Variants in HELB observed in about 807,000 individuals in gnomAD.
HELB encodes the protein DNA helicase B.
In HELB, 96 loss-of-function variants were observed where a neutral mutation model predicts 101.7. The ratio of observed to expected loss-of-function variants is 0.94; its 90% confidence interval spans 0.80 to 1.12. The LOEUF (loss-of-function observed/expected upper bound fraction) is 1.12, where lower values mean the gene tolerates loss of function less well. Among genes scored for constraint, HELB ranks in the 50% most tolerant of loss-of-function variants. HELB has a pLI of 0.00. For synonymous variants in HELB, 437 were observed against 459.7 expected (o/e 0.95, Z 0.63); for missense variants, 1,210 against 1,291.9 (o/e 0.94, Z 0.97).
intron 7 of HELB, among the ~76,000 whole-genome samples, chr12:66,320,227 G>A (rs565299795): frequency 2.3e-4 from 35 of 152,106 alleles, no homozygotes; most frequent in Non-Finnish European, 4.1e-4. Context: ...ATACAGGAAT[G>A]TTTGAAGTAA....
intron 4 of HELB, 103 bp from the exon 5 acceptor site, chr12:66,313,883 A>G (rs1231887998): frequency 8.5e-6 from 8 of 944,584 alleles, no homozygotes; most frequent in South Asian, 1.3e-5. Context: ...CTTCCCACCC[A>G]CCCCTGCCAA....
chr12:66,330,175 G>T (rs953891983), intron 11 of HELB, among the ~76,000 whole-genome samples: 3 of 152,138 alleles, frequency 2.0e-5, no homozygotes, highest in Non-Finnish European at 2.9e-5. Context: ...CACTGGATCC[G>T]CTGACTCAGA....
intron 8 of HELB, 53 bp downstream of exon 8, chr12:66,322,082 A>C: frequency 1.4e-6 from 1 of 694,562 alleles, no homozygotes; most frequent in Non-Finnish European, 2.5e-6. Flanking sequence ...AAATCTCATA[A>C]CTTATTAATA....
At chr12:66,326,397 C>T (rs1179383292) in intron 11 of HELB, among the ~76,000 whole-genome samples, 1 of 152,028 alleles carries the variant, frequency 6.6e-6, no homozygotes, top group Non-Finnish European at 1.5e-5. Context: ...CACATGCCAC[C>T]ACGCCTGGCT....
chr12:66,308,462 T>C (rs997134366), intron 3 of HELB, among the ~76,000 whole-genome samples: 8 of 152,232 alleles, frequency 5.3e-5, no homozygotes, highest in African/African-American at 1.9e-4. Flanking sequence ...GGTCTCACCA[T>C]TCAGCATGTA....
chr12:66,306,835 A>C (rs866624347), intron 3 of HELB, among the ~76,000 whole-genome samples: 2 of 152,188 alleles, frequency 1.3e-5, no homozygotes, highest in Non-Finnish European at 2.9e-5. Context: ...CTAAATTGTC[A>C]TTTGCAGCTT....
At chr12:66,322,834 G>A in intron 9 of HELB, 51 bp downstream of exon 9, 1 of 1,286,026 alleles carries the variant, frequency 7.8e-7, no homozygotes, top group Non-Finnish European at 1.1e-6. Flanking sequence ...TCTTCGATTT[G>A]CTGGTTTTTT....
chr12:66,307,486 T>C (rs1243379099), intron 3 of HELB, among the ~76,000 whole-genome samples: 1 of 152,198 alleles, frequency 6.6e-6, no homozygotes, highest in African/African-American at 2.4e-5. Context: ...AAGAATAAAT[T>C]ATATAACATT....
rs1246745439 is a variant in HELB, at chr12:66,315,332, T to C, written c.1949T>C (p.Leu650Pro). ...TLKSRNCAIE[L>P]KTNHRAESQL... ...AAGTCAAGAAATTGTGCTATTGAGCTAAAGACAAACCATAGAGCAGAATCT... is the reference window on the plus strand; with the variant it reads ...AAGTCAAGAAATTGTGCTATTGAGCCAAAGACAAACCATAGAGCAGAATCT... The change falls in exon 6 of 13, where the codon CTA (leucine) becomes CCA (proline). Residue 650 changes from leucine to proline, a missense_variant. Leu to Pro is a moderately conservative substitution (Grantham distance 98, BLOSUM62 -3). Around this residue, in one of 2 missense-constraint regions of HELB, gnomAD observed 740 missense variants for 728.8 expected, o/e 1.02. Transcript: ENST00000247815. The C allele has an allele frequency of 1.2e-6, 2 of 1,609,978 alleles. No homozygotes were observed. Among genetic ancestry groups the C allele is most frequent in the Non-Finnish European group, 1.7e-6 (2 of 1,178,108 alleles).
chr12:66,314,972 A>G (rs572614923), intron 5 of HELB, among the ~76,000 whole-genome samples: 27 of 151,196 alleles, frequency 1.8e-4, no homozygotes, highest in African/African-American at 5.1e-4. Context: ...AAAAGGGACT[A>G]ACTACAAATG....
chr12:66,330,673 A>G (rs1181463247), intron 11 of HELB, among the ~76,000 whole-genome samples: 1 of 148,150 alleles, frequency 6.7e-6, no homozygotes, highest in Non-Finnish European at 1.5e-5. Context: ...ATAAGTATAT[A>G]ATATATATTC....
intron 5 of HELB, among the ~76,000 whole-genome samples, chr12:66,314,441 C>T (rs893946209): frequency 2.0e-5 from 3 of 152,216 alleles, no homozygotes; most frequent in South Asian, 4.1e-4. Context: ...AAAAGTGCCA[C>T]AGATTCAGAG....
rs994697005 is a variant in HELB, at chr12:66,321,992, C to A, written c.2200C>A (p.Gln734Lys). Residue 734 changes from glutamine (Q) to lysine (K), a missense_variant, in exon 8 of 13, where the codon CAA (glutamine) becomes AAA (lysine). Coordinates refer to ENST00000247815, the MANE Select transcript of HELB (RefSeq NM_001370285.1). ...AACTTTACTACAAGAAAATAACTTA[C>A]AAAATGCAAAAACATCACAATTTAT... Reference protein sequence around the residue: ...VKTLLQENNLQNAKTSQFIAF... With the variant: ...VKTLLQENNLKNAKTSQFIAF... The A allele has an allele frequency of 4.2e-6, 5 of 1,178,640 alleles. No individual in the cohort carries two copies. The highest frequency in any genetic ancestry group is 2.6e-5 in the East Asian group (1 of 38,406). The allele number at this position is 1,178,640 out of a possible 1,614,324, so 73.0% of individuals were successfully genotyped here.
chr12:66,327,220 A>G (rs1318103433), intron 11 of HELB, among the ~76,000 whole-genome samples: 1 of 151,716 alleles, frequency 6.6e-6, no homozygotes, highest in Non-Finnish European at 1.5e-5. Flanking sequence ...CCTTAAGACC[A>G]AAGTTCCCCA....
chr12:66,331,713 G>T, intron 12 of HELB, 68 bp downstream of exon 12: 6 of 1,398,116 alleles, frequency 4.3e-6, no homozygotes, highest in Non-Finnish European at 5.8e-6. Context: ...GCTTATAAAT[G>T]ACTGTGTGCT....
chr12:66,310,247 TAAGTG>T lies in HELB; in HGVS notation c.1324_1328del (p.Glu442SerfsTer8). On this transcript the variant is annotated frameshift_variant, in exon 4 of 13. Transcript: ENST00000247815. LOFTEE classifies it high-confidence loss of function. ...GGTGAAAATGAAATTAATGCAGAAA[TAAGTG>T]AAGTTCAGCTGGATCAGGATCAGGT... The T allele has an allele frequency of 2.5e-6, 4 of 1,614,038 alleles. No individual in the cohort carries two copies. Among genetic ancestry groups the T allele is most frequent in the Non-Finnish European group, 3.4e-6 (4 of 1,180,016 alleles).
At chr12:66,316,218 C>T (rs1160053851) in intron 6 of HELB, among the ~76,000 whole-genome samples, 1 of 152,068 alleles carries the variant, frequency 6.6e-6, no homozygotes, top group African/African-American at 2.4e-5. Context: ...GTAGGCTATA[C>T]CATCCAGGTT....
At chr12:66,323,248 T>C (rs187813548) in intron 9 of HELB, among the ~76,000 whole-genome samples, 202 of 152,118 alleles carry the variant, frequency 1.3e-3, no homozygotes, top group Non-Finnish European at 2.4e-3. Flanking sequence ...TGCTTTGCAC[T>C]AAGTATAGAC....
intron 2 of HELB, 66 bp from the exon 3 acceptor site, chr12:66,306,279 T>A: frequency 8.1e-7 from 1 of 1,228,210 alleles, no homozygotes; most frequent in Non-Finnish European, 1.1e-6. Flanking sequence ...AATGAGAAAG[T>A]ACTTCAAATC....
Sources: gnomAD v4.1 joint callset for allele counts (sites outside exome capture counted in the v4.1 genomes callset) on GRCh38, gnomAD v4.1.1 for gene constraint, gnomAD v4.1.1 regional missense constraint, MANE v1.5 for transcripts, NCBI Gene and HGNC (gene_info 2026-07-23, HGNC 2026-07-21) for gene names.